The following ZC3H11A variants were observed in gnomAD, a reference collection of about 807,000 sequenced individuals.
ZC3H11A encodes zinc finger CCCH domain-containing protein 11A.
ZC3H11A carries 22 observed loss-of-function variants against 90.8 expected under a neutral mutation model. The observed-to-expected ratio is 0.24, with a 90% CI of 0.17 to 0.35. The LOEUF (loss-of-function observed/expected upper bound fraction) is 0.35. Ranked by LOEUF, ZC3H11A falls within the 10% of genes least tolerant of loss-of-function variation. ZC3H11A has a pLI of 1.00. For synonymous variants in ZC3H11A, 294 were observed against 339.8 expected (o/e 0.87, Z 1.48); for missense variants, 701 against 964.9 (o/e 0.73, Z 3.62).
intron 11 of ZC3H11A, among the ~76,000 whole-genome samples, chr1:203,839,171 CGTG>C (rs1032147922): frequency 6.6e-6 from 1 of 151,992 alleles, no homozygotes; most frequent in African/African-American, 2.4e-5. Context: ...GATTTGGAGA[CGTG>C]GACTAAATCA....
At chr1:203,804,625 T>G (rs987935274) in intron 2 of ZC3H11A, among the ~76,000 whole-genome samples, 2 of 152,082 alleles carry the variant, frequency 1.3e-5, no homozygotes, top group African/African-American at 4.8e-5. Context: ...TTTTCTAGTT[T>G]GCAAGCATGT....
At chr1:203,810,609 T>C (rs956374981) in intron 2 of ZC3H11A, among the ~76,000 whole-genome samples, 8 of 151,982 alleles carry the variant, frequency 5.3e-5, no homozygotes, top group Middle Eastern at 3.4e-3. Flanking sequence ...TTAGTAGAGA[T>C]GGGGTTTCAC....
Position 203,829,866 on chromosome 1 carries a change from G to C in ZC3H11A, c.589G>C (p.Val197Leu), listed in dbSNP as rs1681686502. The C allele has an allele frequency of 1.2e-6, 2 of 1,614,122 alleles. No homozygotes were observed. Among genetic ancestry groups the C allele is most frequent in the Middle Eastern group, 1.6e-4 (1 of 6,062 alleles). Residue 197 changes from valine to leucine, a missense_variant, in exon 7 of 18, where the codon GTC becomes CTC. Physicochemically the swap from Val to Leu is conservative, Grantham distance 32 (BLOSUM62 1). This residue lies in a region of ZC3H11A where 530 missense variants were observed against 696.2 expected (regional missense o/e 0.76). Transcript: ENST00000367210. ...TCACAATGGATTACGAGTGACTTCT[G>C]TCCGGAAACCTGCAGTCAATATAAA... Reference protein sequence around the residue: ...EVHNGLRVTSVRKPAVNIKQG... With the variant: ...EVHNGLRVTSLRKPAVNIKQG...
chr1:203,816,075 T>C lies in ZC3H11A; in HGVS notation c.-145-851T>C, dbSNP rs563567004. Among the ~76,000 whole-genome samples the C allele has an allele frequency of 1.8e-4, 27 of 152,338 alleles. No homozygotes were observed. In the South Asian group the frequency reaches 5.6e-3, roughly 32 times the overall value. On this transcript the variant is annotated intron_variant, in intron 2 of 17. Coordinates refer to ENST00000367210, the MANE Select transcript of ZC3H11A (RefSeq NM_001376342.1). The stretch of plus-strand genomic sequence containing the variant: ...GATCGATAGACCTTTTCAGAAGTAA[T>C]TGTTTTCATCAGTTATTCTAGCTAA...
chr1:203,797,978 C>T (rs943598896), intron 1 of ZC3H11A: 1 of 1,534,982 alleles, frequency 6.5e-7, no homozygotes, highest in African/African-American at 1.4e-5. Flanking sequence ...CCATTTGTAA[C>T]CTCTGTGAGA....
chr1:203,833,756 C>CT (rs1273786829), intron 9 of ZC3H11A, 35 bp from the exon 10 acceptor site: 1 of 1,584,400 alleles, frequency 6.3e-7, no homozygotes, highest in Non-Finnish European at 8.6e-7. Flanking sequence ...GAAAAATTGA[C>CT]TAAGGATAGA....
At chr1:203,845,781 T>C (rs1687716995) in intron 12 of ZC3H11A, among the ~76,000 whole-genome samples, 1 of 152,042 alleles carries the variant, frequency 6.6e-6, no homozygotes, top group Admixed American at 6.6e-5. Context: ...AGAGAATCAC[T>C]TGAACCCAGG....
Position 203,829,771 on chromosome 1 carries a change from G to T in ZC3H11A, c.503-9G>T. On this transcript the variant is annotated splice_polypyrimidine_tract_variant and intron_variant, in intron 6 of 17. Transcript: ENST00000367210. ...TAATTGTGAATTTGCCTTAAATGTT[G>T]ATATATAGATCAGTTTTCTGAGGAA... 6.2e-7 allele frequency: 1 copy of T among 1,613,648 alleles called. No individual in the cohort carries two copies.
intron 5 of ZC3H11A, 86 bp downstream of exon 5, chr1:203,828,508 C>T (rs80192987): frequency 6.8e-7 from 1 of 1,464,994 alleles, no homozygotes; most frequent in South Asian, 1.3e-5. Flanking sequence ...ACATTGACTC[C>T]TTTCAGTCTT....
intron 4 of ZC3H11A, among the ~76,000 whole-genome samples, chr1:203,826,279 T>C (rs1048823168): frequency 6.6e-6 from 1 of 151,970 alleles, no homozygotes; most frequent in African/African-American, 2.4e-5. Flanking sequence ...AGGGCCACTC[T>C]ATAGGTAGTG....
Position 203,802,709 on chromosome 1 carries a change from G to T in ZC3H11A, c.-453G>T, listed in dbSNP as rs1320333980. Reference sequence around the variant, plus strand: ...TTAACTCTCAAGTTCATCTTTAAATGAACTCTTTTTTTTTGTTTTTTTTTT... The same window carrying T: ...TTAACTCTCAAGTTCATCTTTAAATTAACTCTTTTTTTTTGTTTTTTTTTT... On this transcript the variant is annotated 5_prime_UTR_variant, in exon 2 of 18. It removes an upstream start codon present in the reference 5' UTR. Coordinates refer to ENST00000367210, the MANE Select transcript of ZC3H11A (RefSeq NM_001376342.1). 1.8e-5 allele frequency: 2 copies of T among 112,336 alleles called. No homozygotes were observed. The highest frequency in any genetic ancestry group is 3.7e-5 in the Non-Finnish European group (2 of 53,376). 7.0% of individuals were successfully genotyped at this position (112,336 alleles called of 1,614,324 possible).
chr1:203,798,579 A>C lies in ZC3H11A; in HGVS notation c.-1588+2785A>C, dbSNP rs775730425. 6.5e-6 allele frequency: 10 copies of C among 1,536,174 alleles called. No homozygotes were observed. Among genetic ancestry groups the C allele is most frequent in the Non-Finnish European group, 8.7e-6 (10 of 1,146,916 alleles). On this transcript the variant is annotated intron_variant, in intron 1 of 17. Transcript: ENST00000367210. ...TGATACCTTGCATGGAGAAAAGTCT[A>C]CAGGCAGCCAAGATTTAACAGCTGA...
intron 2 of ZC3H11A, among the ~76,000 whole-genome samples, chr1:203,813,492 G>A (rs1343750805): frequency 6.6e-6 from 1 of 151,928 alleles, no homozygotes; most frequent in Non-Finnish European, 1.5e-5. Flanking sequence ...TTTTATATGT[G>A]GATATCCATT....
intron 13 of ZC3H11A, 138 bp from the exon 14 acceptor site, chr1:203,848,193 A>C (rs565908080): frequency 1.4e-6 from 1 of 727,752 alleles, no homozygotes; most frequent in African/African-American, 1.8e-5. Context: ...TTGAGACTTT[A>C]GGAGCACAGA....
intron 2 of ZC3H11A, among the ~76,000 whole-genome samples, chr1:203,809,470 C>T (rs1351247814): frequency 6.6e-6 from 1 of 152,092 alleles, no homozygotes; most frequent in Non-Finnish European, 1.5e-5. Context: ...GCCACCGCAC[C>T]CAGCCCCACT....
rs1369001332 is a variant in ZC3H11A at position 203,838,153 on chromosome 1, G to A, written c.973+89G>A. 6 of 1,218,222 alleles carry A rather than the reference G, an allele frequency of 4.9e-6. No individual in the cohort carries two copies. The African/African-American group carries it at 9.1e-5, about 19-fold the overall frequency. 75.5% of individuals were successfully genotyped at this position (1,218,222 alleles called of 1,614,324 possible). A position where few individuals can be genotyped will look rare whatever the true frequency, so the allele number is the denominator to read the frequency against. ...AACAGCTATGGTTTTTCATTCTTTT[G>A]TTCAGGTAAATAGGTTATCTTGTAT... On this transcript the variant is annotated intron_variant, in intron 11 of 17. Coordinates refer to ENST00000367210, the MANE Select transcript of ZC3H11A (RefSeq NM_001376342.1).
chr1:203,834,706 C>T (rs1396751763), intron 10 of ZC3H11A, among the ~76,000 whole-genome samples: 4 of 151,318 alleles, frequency 2.6e-5, no homozygotes, highest in Non-Finnish European at 4.4e-5. Flanking sequence ...CTGGCGTGCA[C>T]TGGCACAATC....
chr1:203,806,014 G>C (rs777613535), intron 2 of ZC3H11A: 2 of 553,992 alleles, frequency 3.6e-6, no homozygotes, highest in Non-Finnish European at 7.0e-6. Context: ...CATGTTGAAT[G>C]ACTCTTGGGT....
rs187333088 is a variant in ZC3H11A at position 203,802,133 on chromosome 1, C to G, written c.-1029C>G. The G allele has an allele frequency of 4.3e-4, 65 of 152,676 alleles. No individual in the cohort carries two copies. The highest frequency in any genetic ancestry group is 4.4e-5 in the Non-Finnish European group (3 of 67,998). The allele number at this position is 152,676 out of a possible 1,614,324, so 9.5% of individuals were successfully genotyped here. ...GCTCTGCCTTCTACAGCTTGCTGCACCACTCTGTAGTTACTCTATTACCAT... is the reference window on the plus strand; with the variant it reads ...GCTCTGCCTTCTACAGCTTGCTGCAGCACTCTGTAGTTACTCTATTACCAT... On this transcript the variant is annotated 5_prime_UTR_variant, in exon 2 of 18. Coordinates refer to ENST00000367210, the MANE Select transcript of ZC3H11A (RefSeq NM_001376342.1).
Sources: gnomAD v4.1 joint callset for allele counts (sites outside exome capture counted in the v4.1 genomes callset) on GRCh38, gnomAD v4.1.1 for gene constraint, gnomAD v4.1.1 regional missense constraint, MANE v1.5 for transcripts, NCBI Gene and HGNC (gene_info 2026-07-23, HGNC 2026-07-21) for gene names.